SLC7A2: variants seen among roughly 807,000 people sequenced by gnomAD.
SLC7A2 encodes cationic amino acid transporter 2.
In SLC7A2, 48 loss-of-function variants were observed where a neutral mutation model predicts 58.9. That is an observed-to-expected ratio of 0.82 (90% CI 0.65 to 1.04). SLC7A2 has a LOEUF of 1.04. SLC7A2 is among the 50% of genes least tolerant of loss of function. The pLI is 0.00. For missense variants in SLC7A2, 1,029 were observed against 818.8 expected (o/e 1.26, Z -3.13); for synonymous variants, 363 against 314.5 (o/e 1.15, Z -1.63).
rs765123546 is a variant in SLC7A2, at chr8:17,560,316, G to A, written c.1299-12G>A. 1.9e-6 allele frequency: 3 copies of A among 1,609,262 alleles called. No individual in the cohort carries two copies. The South Asian group carries it at 3.3e-5, about 18-fold the overall frequency. On this transcript the variant is annotated splice_polypyrimidine_tract_variant and intron_variant, in intron 9 of 12. Transcript: ENST00000494857. ...TTTGAGAATAAAGACATAGATGTTT[G>A]TTTGGAAATAGGTACCAGCCTGGCT...
At chr8:17,547,822 GTT>G (rs35268822) in intron 4 of SLC7A2, among the ~76,000 whole-genome samples, 1 of 145,134 alleles carries the variant, frequency 6.9e-6, no homozygotes, top group Non-Finnish European at 1.5e-5. Flanking sequence ...GTGTGTGTGT[GTT>G]TACAAAATTT....
chr8:17,522,625 G>C (rs982741226), intron 2 of SLC7A2, among the ~76,000 whole-genome samples: 2 of 152,164 alleles, frequency 1.3e-5, no homozygotes, highest in Non-Finnish European at 2.9e-5. Context: ...GCATCTACAA[G>C]AGCACCTGAA....
chr8:17,506,407 GGTAGTTGGTTTT>G (rs1381111068), intron 2 of SLC7A2, among the ~76,000 whole-genome samples: 5 of 152,142 alleles, frequency 3.3e-5, no homozygotes, highest in Non-Finnish European at 7.3e-5. Flanking sequence ...ACACTGTTGT[GGTAGTTGGTTTT>G]GTATTTTAAA....
chr8:17,497,073 C>A (rs1799980008), upstream of SLC7A2: 1 of 151,062 alleles, frequency 6.6e-6, no homozygotes, highest in Non-Finnish European at 1.5e-5. Flanking sequence ...CAGAGGGGCG[C>A]CCACGTGCCC....
At chr8:17,549,303 ATT>A (rs1259750932) in intron 5 of SLC7A2, among the ~76,000 whole-genome samples, 1 of 152,156 alleles carries the variant, frequency 6.6e-6, no homozygotes, top group Non-Finnish European at 1.5e-5. Flanking sequence ...TGGTTCTCAA[ATT>A]TCTTGCTTCT....
chr8:17,530,989 A>T (rs1801427803), intron 2 of SLC7A2, among the ~76,000 whole-genome samples: 1 of 152,232 alleles, frequency 6.6e-6, no homozygotes, highest in Admixed American at 6.5e-5. Context: ...TTCTAAGCGT[A>T]TTTAAAATGA....
intron 2 of SLC7A2, among the ~76,000 whole-genome samples, chr8:17,516,017 G>T (rs1800789708): frequency 6.6e-6 from 1 of 151,970 alleles, no homozygotes; most frequent in South Asian, 2.1e-4. Context: ...TAGGATCATT[G>T]CCTTCCTACA....
At chr8:17,550,545 G>T in intron 6 of SLC7A2, 111 bp downstream of exon 6, 1 of 977,954 alleles carries the variant, frequency 1.0e-6, no homozygotes, top group Non-Finnish European at 1.5e-6. Context: ...GGGTAAGAAG[G>T]GCACTAGTTC....
rs564848175 is a variant in SLC7A2, at chr8:17,570,001, C to T, written c.*4855C>T. The T allele has an allele frequency of 6.6e-6, 1 of 152,124 alleles. No individual in the cohort carries two copies. The highest frequency in any genetic ancestry group is 1.5e-5 in the Non-Finnish European group (1 of 68,038). The allele number at this position is 152,124 out of a possible 1,614,324, so 9.4% of individuals were successfully genotyped here. On this transcript the variant is annotated 3_prime_UTR_variant, in exon 13 of 13. Transcript: ENST00000494857. Reference sequence around the variant, plus strand: ...AAATGCAAGTAAGGTAGTTTGGGCTCCTTAATTCCAAACATCCCATGAGTA... The same window carrying T: ...AAATGCAAGTAAGGTAGTTTGGGCTTCTTAATTCCAAACATCCCATGAGTA...
intron 2 of SLC7A2, among the ~76,000 whole-genome samples, chr8:17,526,748 T>C (rs1183981384): frequency 6.6e-6 from 1 of 152,040 alleles, no homozygotes; most frequent in Non-Finnish European, 1.5e-5. Context: ...GGTATCTAGT[T>C]GGAAGAGAAG....
intron 4 of SLC7A2, among the ~76,000 whole-genome samples, chr8:17,545,613 G>T (rs187193664): frequency 0.01 from 1,530 of 151,842 alleles, 19 homozygotes; most frequent in African/African-American, 0.035. Flanking sequence ...GGCCAGGCTG[G>T]TCTCAAACTC....
chr8:17,530,360 G>A (rs1369418502), intron 2 of SLC7A2, among the ~76,000 whole-genome samples: 1 of 152,134 alleles, frequency 6.6e-6, no homozygotes, highest in African/African-American at 2.4e-5. Context: ...ATGCAGTTCA[G>A]TCAAAACCTT....
intron 2 of SLC7A2, among the ~76,000 whole-genome samples, chr8:17,531,530 A>G (rs944933545): frequency 6.6e-6 from 1 of 152,120 alleles, no homozygotes; most frequent in African/African-American, 2.4e-5. Context: ...TGTAAAACCT[A>G]CTTTTCACAC....
At chr8:17,524,286 G>C (rs1260473777) in intron 2 of SLC7A2, among the ~76,000 whole-genome samples, 1 of 152,088 alleles carries the variant, frequency 6.6e-6, no homozygotes, top group East Asian at 1.9e-4. Context: ...GTCATTATAT[G>C]AAAAAGATAC....
In SLC7A2 at chr8:17,560,477, C is replaced by A. The variant is rs1454117327; in HGVS notation, c.1448C>A (p.Ser483Tyr). Reference sequence around the variant, plus strand: ...AGCATGCGGACCCTCTTCTGCCCCTCCCTTCTGCCAACACAGCAGTCAGCT... The same window carrying A: ...AGCATGCGGACCCTCTTCTGCCCCTACCTTCTGCCAACACAGCAGTCAGCT... ...GFSMRTLFCP[S>Y]LLPTQQSASL... The change falls in exon 10 of 13, where the codon TCC becomes TAC. Residue 483 changes from serine to tyrosine, a missense_variant. Physicochemically the swap from Ser to Tyr is moderately radical, Grantham distance 144 (BLOSUM62 -2). Coordinates refer to ENST00000494857, the MANE Select transcript of SLC7A2 (RefSeq NM_001370338.1). 1.9e-6 allele frequency: 3 copies of A among 1,613,860 alleles called. No individual in the cohort carries two copies. Among genetic ancestry groups the A allele is most frequent in the Non-Finnish European group, 8.5e-7 (1 of 1,179,900 alleles).
At chr8:17,495,098 A>G (rs1350774049), upstream of SLC7A2, among the ~76,000 whole-genome samples, 1 of 152,210 alleles carries the variant, frequency 6.6e-6, no homozygotes, top group African/African-American at 2.4e-5. Flanking sequence ...TGGGGAAATA[A>G]TTGCTTAAGT....
intron 7 of SLC7A2, among the ~76,000 whole-genome samples, chr8:17,553,141 C>A (rs1407227899): frequency 2.0e-5 from 3 of 152,148 alleles, no homozygotes; most frequent in African/African-American, 7.2e-5. Flanking sequence ...GAGGCTCGAA[C>A]TCCTGGGTTC....
rs752981306 is a variant in SLC7A2 at position 17,560,395 on chromosome 8, C to T, written c.1366C>T (p.Pro456Ser). 2 of 1,614,006 alleles carry T rather than the reference C, an allele frequency of 1.2e-6. No homozygotes were observed. Among genetic ancestry groups the T allele is most frequent in the Admixed American group, 1.7e-5 (1 of 59,992 alleles). The change falls in exon 10 of 13, where the codon CCC becomes TCC. Residue 456 changes from proline to serine, a missense_variant. Coordinates refer to ENST00000494857, the MANE Select transcript of SLC7A2 (RefSeq NM_001370338.1). ...TGAGAAAGATGGTCTGGGATCGTCT[C>T]CCAGGGTAACCTCGAAGAGTGAGTC... ...SPEKDGLGSS[P>S]RVTSKSESQV...
chr8:17,504,238 G>T (rs376394122), intron 2 of SLC7A2, among the ~76,000 whole-genome samples: 1 of 152,226 alleles, frequency 6.6e-6, no homozygotes, highest in Non-Finnish European at 1.5e-5. Context: ...GGCACCAGCT[G>T]TGTGCCCTCT....
Sources: allele counts gnomAD v4.1 joint callset (sites outside exome capture counted in the v4.1 genomes callset), GRCh38; gene constraint gnomAD v4.1.1; transcripts MANE v1.5; gene names NCBI Gene and HGNC (gene_info 2026-07-23, HGNC 2026-07-21).